Variants in CCDC148 observed in about 807,000 individuals in gnomAD.
The protein encoded by CCDC148 is coiled-coil domain containing 148, also known as coiled-coil domain-containing protein 148.
A neutral mutation model predicts 85.7 loss-of-function variants in CCDC148; 89 were observed. The observed-to-expected ratio is 1.04, with a 90% confidence interval of 0.87 to 1.24. The LOEUF is 1.24. Ranked by LOEUF, CCDC148 falls within the 50% of genes most tolerant of loss-of-function variation. The pLI, the probability that CCDC148 is intolerant of heterozygous loss-of-function variation, is 0.00. For synonymous variants in CCDC148, 230 were observed against 213.9 expected, an observed-to-expected ratio of 1.08 and a Z score of -0.66; for missense variants, 692 against 671.7, an observed-to-expected ratio of 1.03 and a Z score of -0.33.
chr2:158,256,698 A>C (rs990088850), intron 9 of CCDC148, among the ~76,000 whole-genome samples: 2 of 151,746 alleles, frequency 1.3e-5, no homozygotes, highest in African/African-American at 4.8e-5. Context: ...GGTATGATGT[A>C]ATCCTTGAAA....
chr2:158,429,282 T>C (rs1300276938), intron 1 of CCDC148, among the ~76,000 whole-genome samples: 2 of 151,962 alleles, frequency 1.3e-5, no homozygotes, highest in Admixed American at 6.6e-5. Flanking sequence ...ACTTAAAGTA[T>C]AATAATAATA....
At position 158,456,735 on chromosome 2, in the gene CCDC148, G is replaced by C; in HGVS notation, c.-296C>G. Reference sequence around the variant, plus strand: ...CACCCTCTCCAGGCCCTCTCGCGCTGAACAGCATCGGTCTCTATGGCGACC... The same window carrying C: ...CACCCTCTCCAGGCCCTCTCGCGCTCAACAGCATCGGTCTCTATGGCGACC... On this transcript the variant is annotated 5_prime_UTR_variant, in exon 1 of 14. Transcript: ENST00000283233. The C allele has an allele frequency of 9.0e-6, 4 of 442,062 alleles. No individual in the cohort carries two copies. The highest frequency in any genetic ancestry group is 1.6e-5 in the Non-Finnish European group (4 of 245,002). 27.4% of individuals were successfully genotyped at this position (442,062 alleles called of 1,614,324 possible). A position where few individuals can be genotyped will look rare whatever the true frequency, so the allele number is the denominator to read the frequency against.
intron 1 of CCDC148, among the ~76,000 whole-genome samples, chr2:158,404,274 G>A (rs563477936): frequency 2.2e-3 from 329 of 152,172 alleles, no homozygotes; most frequent in Non-Finnish European, 4.0e-3. Context: ...CCTAACCATG[G>A]TCTGTGCAGC....
chr2:158,317,266 C>T, intron 7 of CCDC148, among the ~76,000 whole-genome samples: 1 of 151,996 alleles, frequency 6.6e-6, no homozygotes, highest in African/African-American at 2.4e-5. Context: ...CCTTTTTGTC[C>T]GTCTAAACTT....
chr2:158,379,126 A>C (rs1390906269), intron 1 of CCDC148, among the ~76,000 whole-genome samples: 1 of 152,190 alleles, frequency 6.6e-6, no homozygotes, highest in African/African-American at 2.4e-5. Flanking sequence ...AAGAACACTC[A>C]TGATTTCTGG....
chr2:158,250,663 T>C, intron 10 of CCDC148, 109 bp downstream of exon 10: 1 of 1,377,616 alleles, frequency 7.3e-7, no homozygotes, highest in Non-Finnish European at 9.4e-7. Flanking sequence ...TCTTTATGAA[T>C]GTTCTCAGAA....
At chr2:158,410,028 T>C (rs1437166734) in intron 1 of CCDC148, among the ~76,000 whole-genome samples, 1 of 152,222 alleles carries the variant, frequency 6.6e-6, no homozygotes, top group African/African-American at 2.4e-5. Context: ...TCCCCAGCCA[T>C]GTGAAACTGT....
chr2:158,210,489 C>A (rs1157295843), intron 11 of CCDC148, among the ~76,000 whole-genome samples: 1 of 152,010 alleles, frequency 6.6e-6, no homozygotes, highest in African/African-American at 2.4e-5. Context: ...AACTCTTCAC[C>A]CCAAGTCAAC....
chr2:158,315,574 G>C (rs995021168), intron 7 of CCDC148, among the ~76,000 whole-genome samples: 3 of 151,966 alleles, frequency 2.0e-5, no homozygotes, highest in Non-Finnish European at 4.4e-5. Context: ...AGCAATAGAA[G>C]CTAGGTCCAA....
chr2:158,354,408 C>A (rs1683507765), intron 2 of CCDC148, among the ~76,000 whole-genome samples: 1 of 151,984 alleles, frequency 6.6e-6, no homozygotes, highest in African/African-American at 2.4e-5. Context: ...CACCACCGAT[C>A]CCACAGAAAT....
intron 7 of CCDC148, among the ~76,000 whole-genome samples, chr2:158,331,609 TAA>T (rs1451229085): frequency 6.6e-6 from 1 of 152,184 alleles, no homozygotes; most frequent in Non-Finnish European, 1.5e-5. Context: ...CATGGGGTGT[TAA>T]AGTCTCCCAT....
chr2:158,454,566 T>C (rs1688527103), intron 1 of CCDC148, among the ~76,000 whole-genome samples: 1 of 152,170 alleles, frequency 6.6e-6, no homozygotes, highest in Non-Finnish European at 1.5e-5. Context: ...CGAGGCAAGA[T>C]CATTTGCAGA....
chr2:158,401,546 G>A (rs2602183), intron 1 of CCDC148, among the ~76,000 whole-genome samples: 5,919 of 152,124 alleles, frequency 0.039, 182 homozygotes, highest in African/African-American at 0.085. Flanking sequence ...CCTGTTGGGT[G>A]GTGGGGGACT....
chr2:158,411,014 T>C (rs1342747179), intron 1 of CCDC148, among the ~76,000 whole-genome samples: 1 of 152,186 alleles, frequency 6.6e-6, no homozygotes, highest in African/African-American at 2.4e-5. Flanking sequence ...ACTTTGAATA[T>C]ACCATCGCAC....
chr2:158,210,157 C>T (rs555983984), intron 11 of CCDC148, among the ~76,000 whole-genome samples: 15 of 151,988 alleles, frequency 9.9e-5, no homozygotes, highest in Admixed American at 5.2e-4. Flanking sequence ...GCAGGGGTTG[C>T]GATCCTAGTC....
chr2:158,449,062 G>C (rs1688284280), intron 1 of CCDC148, among the ~76,000 whole-genome samples: 1 of 152,022 alleles, frequency 6.6e-6, no homozygotes, highest in Admixed American at 6.6e-5. Context: ...TTCTGACTTT[G>C]TGATTTGCCC....
chr2:158,370,089 C>T (rs1231244057), intron 1 of CCDC148, among the ~76,000 whole-genome samples: 1 of 152,014 alleles, frequency 6.6e-6, no homozygotes, highest in Non-Finnish European at 1.5e-5. Flanking sequence ...AGGATTTTTA[C>T]ATCAATATTC....
At chr2:158,416,441 A>C (rs1686503927) in intron 1 of CCDC148, among the ~76,000 whole-genome samples, 1 of 152,186 alleles carries the variant, frequency 6.6e-6, no homozygotes, top group African/African-American at 2.4e-5. Flanking sequence ...GCCAGGCCAC[A>C]TCTTGAATGC....
At chr2:158,230,712 A>G (rs892740822) in intron 10 of CCDC148, among the ~76,000 whole-genome samples, 2 of 152,172 alleles carry the variant, frequency 1.3e-5, no homozygotes, top group African/African-American at 4.8e-5. Context: ...CGGGTAGTAG[A>G]GAAGCTAAGG....
Sources: allele counts gnomAD v4.1 joint callset (sites outside exome capture counted in the v4.1 genomes callset), GRCh38; gene constraint gnomAD v4.1.1; transcripts MANE v1.5; gene names NCBI Gene and HGNC (gene_info 2026-07-23, HGNC 2026-07-21).